The following PPP2R5A variants were observed in gnomAD, a reference collection of about 807,000 sequenced individuals.
PPP2R5A encodes the protein protein phosphatase 2 regulatory subunit B'alpha, also known as serine/threonine-protein phosphatase 2A 56 kDa regulatory subunit alpha isoform.
In PPP2R5A, 25 loss-of-function variants were observed where a neutral mutation model predicts 64.2. The observed-to-expected ratio is 0.39, with a 90% CI of 0.28 to 0.54. The LOEUF (loss-of-function observed/expected upper bound fraction) is 0.54. PPP2R5A is among the 20% of genes least tolerant of loss of function. The pLI, the probability that PPP2R5A is intolerant of heterozygous loss-of-function variation, is 0.67. For missense variants in PPP2R5A, 425 were observed against 576.3 expected, an observed-to-expected ratio of 0.74 and a Z score of 2.69; for synonymous variants, 198 against 201.2, an observed-to-expected ratio of 0.98 and a Z score of 0.13.
At chr1:212,292,005 G>A (rs1358953689) in intron 1 of PPP2R5A, among the ~76,000 whole-genome samples, 1 of 152,178 alleles carries the variant, frequency 6.6e-6, no homozygotes, top group Non-Finnish European at 1.5e-5. Context: ...GTTTCTTGAA[G>A]ATCTAGGCCT....
intron 1 of PPP2R5A, chr1:212,309,321 G>A (rs1571582504): frequency 6.6e-7 from 1 of 1,519,518 alleles, no homozygotes; most frequent in South Asian, 1.1e-5. Flanking sequence ...TGTTTCTCCT[G>A]GGGGCGCTCT....
chr1:212,341,425 T>C (rs1172409559), intron 3 of PPP2R5A, among the ~76,000 whole-genome samples: 1 of 152,102 alleles, frequency 6.6e-6, no homozygotes, highest in Non-Finnish European at 1.5e-5. Flanking sequence ...TTTTCCTTTC[T>C]TTTTAAAAAT....
chr1:212,355,590 C>CT (rs2102449837), intron 8 of PPP2R5A, among the ~76,000 whole-genome samples: 1 of 151,850 alleles, frequency 6.6e-6, no homozygotes, highest in Admixed American at 6.6e-5. Context: ...TCTTTTAGTT[C>CT]TAGCTTACTA....
At chr1:212,348,628 G>A (rs1330377326) in intron 7 of PPP2R5A, 131 bp downstream of exon 7, 1 of 663,544 alleles carries the variant, frequency 1.5e-6, no homozygotes, top group Non-Finnish European at 2.4e-6. Flanking sequence ...ATTACCCAAA[G>A]CAAATTTTTC....
At chr1:212,298,845 A>ACCTC (rs1658743301) in intron 1 of PPP2R5A, among the ~76,000 whole-genome samples, 1 of 28,716 alleles carries the variant, frequency 3.5e-5, no homozygotes, top group Admixed American at 2.9e-4. Flanking sequence ...GGCGCCCCTC[A>ACCTC]CCTCCCGGAC....
intron 11 of PPP2R5A, 33 bp downstream of exon 11, chr1:212,357,317 CTTTTTTTT>C (rs376007639): frequency 8.6e-6 from 10 of 1,159,106 alleles, no homozygotes; most frequent in Non-Finnish European, 1.0e-5. Context: ...GTATTTTTTT[CTTTTTTTT>C]TTTTTATATC....
At chr1:212,296,880 G>T (rs1658699848) in intron 1 of PPP2R5A, among the ~76,000 whole-genome samples, 1 of 152,148 alleles carries the variant, frequency 6.6e-6, no homozygotes, top group South Asian at 2.1e-4. Context: ...TATAGGTGAA[G>T]AAACCAAAAC....
At chr1:212,316,185 G>T (rs1421822718) in intron 1 of PPP2R5A, among the ~76,000 whole-genome samples, 1 of 152,192 alleles carries the variant, frequency 6.6e-6, no homozygotes, top group Admixed American at 6.5e-5. Context: ...AAATGATTAA[G>T]CTTAGTGAGG....
In PPP2R5A at chr1:212,286,270, C is replaced by T; in HGVS notation, c.160C>T (p.His54Tyr). ...FRSQGSQAEL[H>Y]PLPQLKDATS... is the part of the protein sequence containing the mutation. ...CAGCCAGGGCAGCCAGGCAGAGCTG[C>T]ACCCGCTGCCCCAGCTCAAAGGTAA... Residue 54 changes from histidine (H) to tyrosine (Y), a missense_variant, in exon 1 of 13, where the codon CAC becomes TAC. Coordinates refer to ENST00000261461, the MANE Select transcript of PPP2R5A (RefSeq NM_006243.4). 6.5e-7 allele frequency: 1 copy of T among 1,532,084 alleles called. No homozygotes were observed. The allele number at this position is 1,532,084 out of a possible 1,614,324, so 94.9% of individuals were successfully genotyped here. A position where few individuals can be genotyped will look rare whatever the true frequency, so the allele number is the denominator to read the frequency against.
chr1:212,298,902 A>G (rs1335053446), intron 1 of PPP2R5A, among the ~76,000 whole-genome samples: 1 of 30,380 alleles, frequency 3.3e-5, no homozygotes, highest in African/African-American at 3.7e-4. Flanking sequence ...TCCCTCCCGG[A>G]CTGGGCGGCT....
intron 1 of PPP2R5A, among the ~76,000 whole-genome samples, chr1:212,294,115 TA>T (rs1019182504): frequency 1.4e-4 from 21 of 152,334 alleles, no homozygotes; most frequent in African/African-American, 4.1e-4. Context: ...TAAAATTGTA[TA>T]TTTTTTTTCA....
intron 3 of PPP2R5A, among the ~76,000 whole-genome samples, chr1:212,334,243 A>G (rs936466032): frequency 5.3e-5 from 8 of 152,144 alleles, no homozygotes; most frequent in African/African-American, 1.9e-4. Flanking sequence ...AGTTCTATGT[A>G]TAAGTTTTTG....
chr1:212,303,805 G>A (rs1658843631), intron 1 of PPP2R5A, among the ~76,000 whole-genome samples: 2 of 151,902 alleles, frequency 1.3e-5, no homozygotes, highest in South Asian at 4.2e-4. Flanking sequence ...TTCTTTCCCC[G>A]TTAGATGGTC....
intron 1 of PPP2R5A, among the ~76,000 whole-genome samples, chr1:212,321,217 C>T (rs868616337): frequency 3.0e-4 from 43 of 144,754 alleles, no homozygotes; most frequent in Admixed American, 1.9e-3. Flanking sequence ...CCTTCCCAGA[C>T]GGGGCGGCTG....
At chr1:212,350,609 A>G (rs1659858260) in intron 8 of PPP2R5A, among the ~76,000 whole-genome samples, 1 of 151,928 alleles carries the variant, frequency 6.6e-6, no homozygotes. Context: ...ATCTGAGCTC[A>G]TACCAGTGCA....
chr1:212,356,613 T>C lies in PPP2R5A; in HGVS notation c.928-13T>C. On this transcript the variant is annotated splice_polypyrimidine_tract_variant and intron_variant, in intron 8 of 12. Transcript: ENST00000261461. ...TGTTATTAAATTCATGCTAAACTTT[T>C]TCTTTTTCGCAGGTGATCAGAGGAC... The C allele has an allele frequency of 6.2e-7, 1 of 1,606,980 alleles. No homozygotes were observed. Among genetic ancestry groups the C allele is most frequent in the South Asian group, 1.1e-5 (1 of 89,568 alleles).
chr1:212,287,288 C>T (rs565032743), intron 1 of PPP2R5A, among the ~76,000 whole-genome samples: 12 of 152,296 alleles, frequency 7.9e-5, no homozygotes, highest in Non-Finnish European at 1.8e-4. Flanking sequence ...GATGATAATG[C>T]TCCTACATAT....
chr1:212,286,084 G>A lies in PPP2R5A; in HGVS notation c.-27G>A. Reference sequence around the variant, plus strand: ...GCCCGTGCCTTGCAAGCAGCAGCCGGAGCTGCCAAGCGTCAGGGCCGCGGA... The same window carrying A: ...GCCCGTGCCTTGCAAGCAGCAGCCGAAGCTGCCAAGCGTCAGGGCCGCGGA... On this transcript the variant is annotated 5_prime_UTR_variant, in exon 1 of 13. Transcript: ENST00000261461. 6 of 1,524,942 alleles carry A rather than the reference G, an allele frequency of 3.9e-6. No homozygotes were observed. Among genetic ancestry groups the A allele is most frequent in the Non-Finnish European group, 4.4e-6 (5 of 1,139,934 alleles). The allele number at this position is 1,524,942 out of a possible 1,614,324, so 94.5% of individuals were successfully genotyped here.
intron 6 of PPP2R5A, among the ~76,000 whole-genome samples, chr1:212,347,698 C>T (rs1484884839): frequency 6.6e-6 from 1 of 152,030 alleles, no homozygotes; most frequent in Non-Finnish European, 1.5e-5. Context: ...TGCCACCACA[C>T]CCAACGAATT....
Sources: gnomAD v4.1 joint callset for allele counts (sites outside exome capture counted in the v4.1 genomes callset) on GRCh38, gnomAD v4.1.1 for gene constraint, MANE v1.5 for transcripts, NCBI Gene and HGNC (gene_info 2026-07-23, HGNC 2026-07-21) for gene names.